Variants in AGK observed in about 807,000 individuals in gnomAD.
AGK encodes acylglycerol kinase, mitochondrial.
Under a neutral mutation model 66.4 loss-of-function variants are expected in AGK, and 52 were observed. The ratio of observed to expected loss-of-function variants is 0.78; its 90% CI spans 0.63 to 0.99. AGK has a LOEUF of 0.99. AGK is among the 50% of genes least tolerant of loss of function. The probability of loss-of-function intolerance (pLI) is 0.00; values close to 1 mark genes in which losing one functional copy is unlikely to be tolerated. For synonymous variants in AGK, 182 were observed against 181.1 expected (o/e 1.00, Z -0.04); for missense variants, 451 against 506.6 (o/e 0.89, Z 1.05).
chr7:141,560,581 G>A (rs1255920340), intron 2 of AGK, among the ~76,000 whole-genome samples: 1 of 151,960 alleles, frequency 6.6e-6, no homozygotes, highest in Non-Finnish European at 1.5e-5. Flanking sequence ...AGCGTACACT[G>A]TACCCAGTGT....
chr7:141,585,489 C>T (rs945963956), intron 2 of AGK, among the ~76,000 whole-genome samples: 12 of 152,248 alleles, frequency 7.9e-5, no homozygotes, highest in African/African-American at 2.9e-4. Flanking sequence ...TTGTTATAAA[C>T]GTCTAAACTT....
chr7:141,571,677 G>A (rs955671216), intron 2 of AGK, among the ~76,000 whole-genome samples: 3 of 152,190 alleles, frequency 2.0e-5, no homozygotes, highest in Non-Finnish European at 4.4e-5. Context: ...AGAGCAAAAT[G>A]GTTAAGAAAG....
chr7:141,650,768 GGGGTA>G, intron 14 of AGK: 1 of 828,832 alleles, frequency 1.2e-6, no homozygotes, highest in African/African-American at 1.8e-5. Flanking sequence ...CGGTATCCTT[GGGGTA>G]TTGGTTCCAG....
At chr7:141,618,890 G>T (rs528637726) in intron 8 of AGK, among the ~76,000 whole-genome samples, 11 of 152,116 alleles carry the variant, frequency 7.2e-5, no homozygotes, top group African/African-American at 2.6e-4. Context: ...AATAATTACC[G>T]TATTTATTTT....
intron 1 of AGK, among the ~76,000 whole-genome samples, chr7:141,553,077 G>A (rs563465070): frequency 2.0e-5 from 3 of 152,278 alleles, no homozygotes; most frequent in East Asian, 3.9e-4. Flanking sequence ...CCGGAGGCTG[G>A]AAGTCCAAAG....
At chr7:141,581,982 C>T (rs546186021) in intron 2 of AGK, among the ~76,000 whole-genome samples, 24 of 151,932 alleles carry the variant, frequency 1.6e-4, no homozygotes, top group Non-Finnish European at 3.2e-4. Flanking sequence ...GGGTAGCCTC[C>T]GTATTGATTA....
intron 2 of AGK, among the ~76,000 whole-genome samples, chr7:141,587,869 C>G (rs928177651): frequency 6.6e-6 from 1 of 152,204 alleles, no homozygotes; most frequent in African/African-American, 2.4e-5. Flanking sequence ...AGACACCCAG[C>G]ACAGTGCCTG....
chr7:141,644,858 T>G (rs1797374356), intron 13 of AGK, among the ~76,000 whole-genome samples: 2 of 152,152 alleles, frequency 1.3e-5, no homozygotes, highest in African/African-American at 4.8e-5. Context: ...TTTCCCCCAT[T>G]GATCTTCAAT....
intron 9 of AGK, among the ~76,000 whole-genome samples, chr7:141,633,001 C>T (rs1797091053): frequency 1.3e-5 from 2 of 152,238 alleles, no homozygotes; most frequent in Admixed American, 1.3e-4. Context: ...AGCATGCTTT[C>T]TCTAGGCAGC....
At chr7:141,570,882 G>A (rs1795591259) in intron 2 of AGK, among the ~76,000 whole-genome samples, 1 of 151,998 alleles carries the variant, frequency 6.6e-6, no homozygotes, top group African/African-American at 2.4e-5. Flanking sequence ...ATGAGTTTCT[G>A]TCTCTTAAGT....
At chr7:141,586,274 C>T (rs928572137) in intron 2 of AGK, among the ~76,000 whole-genome samples, 1 of 152,160 alleles carries the variant, frequency 6.6e-6, no homozygotes, top group East Asian at 1.9e-4. Context: ...AGTTTTTCAT[C>T]CTGTACTACA....
chr7:141,624,032 A>G (rs112547069), intron 9 of AGK, among the ~76,000 whole-genome samples: 2 of 152,176 alleles, frequency 1.3e-5, no homozygotes, highest in African/African-American at 4.8e-5. Flanking sequence ...TAGTTTACTG[A>G]ATATTTTAAG....
chr7:141,576,913 A>G (rs968024476), intron 2 of AGK, among the ~76,000 whole-genome samples: 2 of 151,782 alleles, frequency 1.3e-5, no homozygotes, highest in Non-Finnish European at 2.9e-5. Flanking sequence ...GGTGGCGGGC[A>G]CCTGTAGTCC....
In AGK at chr7:141,611,228, G is replaced by C. The variant is rs145805257; in HGVS notation, c.331G>C (p.Glu111Gln). Residue 111 changes from glutamate (E) to glutamine (Q), a missense_variant, in exon 6 of 16, where the codon GAA becomes CAA. By Grantham distance (29) the Glu-to-Gln change is conservative (BLOSUM62 2). Coordinates refer to ENST00000649286, the MANE Select transcript of AGK (RefSeq NM_018238.4). ...TGAGGGACAAGCCAAGAAACTCCTG[G>C]AACTGATGGAAAACACGGATGTGAT... ...DYEGQAKKLLELMENTDVIIV... is the reference protein window; with the variant it reads ...DYEGQAKKLLQLMENTDVIIV... 2.0e-4 allele frequency: 323 copies of C among 1,613,372 alleles called. No homozygotes were observed. The highest frequency in any genetic ancestry group is 2.2e-4 in the Non-Finnish European group (262 of 1,179,658).
rs959938986 is a variant in AGK, at chr7:141,601,124, C to T, written c.222-81C>T. 2.9e-6 allele frequency: 3 copies of T among 1,028,282 alleles called. No individual in the cohort carries two copies. In the East Asian group the frequency reaches 7.4e-5, roughly 25 times the overall value. 63.7% of individuals were successfully genotyped at this position (1,028,282 alleles called of 1,614,324 possible). On this transcript the variant is annotated intron_variant, in intron 4 of 15. Transcript: ENST00000649286. ...TATTGCATAGTCTTTCTTATTCTGCCCTGAAGAAGATTGTAAGGCTTTTTG... is the reference window on the plus strand; with the variant it reads ...TATTGCATAGTCTTTCTTATTCTGCTCTGAAGAAGATTGTAAGGCTTTTTG...
chr7:141,578,642 A>G (rs1402765487), intron 2 of AGK, among the ~76,000 whole-genome samples: 2 of 151,798 alleles, frequency 1.3e-5, no homozygotes, highest in African/African-American at 4.9e-5. Context: ...GGAGAGGTCA[A>G]GTTGAGGGAG....
intron 9 of AGK, among the ~76,000 whole-genome samples, chr7:141,631,155 A>G (rs960849370): frequency 2.0e-5 from 3 of 152,230 alleles, no homozygotes; most frequent in Admixed American, 2.0e-4. Context: ...GTAATTTTTA[A>G]ATTTTATGTA....
At chr7:141,614,224 CT>C (rs1027107932) in intron 7 of AGK, 46 bp downstream of exon 7, 2 of 1,346,654 alleles carry the variant, frequency 1.5e-6, no homozygotes, top group Non-Finnish European at 2.0e-6. Flanking sequence ...TTTTTCTGTT[CT>C]TTTTTATTGC....
chr7:141,587,856 C>T (rs945648105), intron 2 of AGK, among the ~76,000 whole-genome samples: 6 of 152,184 alleles, frequency 3.9e-5, no homozygotes, highest in Admixed American at 6.5e-5. Context: ...ACCAGCGTGT[C>T]CAAGACACCC....
Sources: gnomAD v4.1 joint callset for allele counts (sites outside exome capture counted in the v4.1 genomes callset) on GRCh38, gnomAD v4.1.1 for gene constraint, MANE v1.5 for transcripts, NCBI Gene and HGNC (gene_info 2026-07-23, HGNC 2026-07-21) for gene names.